TOM1L2: variants seen among roughly 807,000 people sequenced by gnomAD.
The protein encoded by TOM1L2 is TOM1-like protein 2.
TOM1L2 carries 31 observed loss-of-function variants against 67.9 expected under a neutral mutation model. That is an observed-to-expected ratio of 0.46 (90% CI 0.34 to 0.62). TOM1L2 has a LOEUF of 0.62. Ranked by LOEUF, TOM1L2 falls within the 20% of genes least tolerant of loss-of-function variation. The pLI, the probability that TOM1L2 is intolerant of heterozygous loss-of-function variation, is 0.01. For missense variants in TOM1L2, 606 were observed against 663.5 expected (o/e 0.91, Z 0.95); for synonymous variants, 256 against 254.0 (o/e 1.01, Z -0.07).
chr17:17,913,685 T>C (rs551420806), intron 1 of TOM1L2, among the ~76,000 whole-genome samples: 1 of 152,306 alleles, frequency 6.6e-6, no homozygotes, highest in East Asian at 1.9e-4. Flanking sequence ...TCTTTTAGCT[T>C]GAAAACTCAA....
intron 1 of TOM1L2, among the ~76,000 whole-genome samples, chr17:17,916,462 T>C (rs913662722): frequency 2.6e-5 from 4 of 152,196 alleles, no homozygotes; most frequent in African/African-American, 9.7e-5. Flanking sequence ...TATAAGATAA[T>C]GGTCCGACTT....
intron 3 of TOM1L2, among the ~76,000 whole-genome samples, chr17:17,895,672 G>A (rs2038533174): frequency 6.6e-6 from 1 of 152,200 alleles, no homozygotes; most frequent in African/African-American, 2.4e-5. Context: ...TGGAGCCCCA[G>A]TCTCCTCGCC....
intron 1 of TOM1L2, among the ~76,000 whole-genome samples, chr17:17,947,004 C>T (rs572653603): frequency 6.6e-5 from 10 of 152,208 alleles, no homozygotes; most frequent in Admixed American, 1.3e-4. Context: ...GGATTACAGG[C>T]GTACGCCACC....
At chr17:17,957,773 G>C (rs1039760613) in intron 1 of TOM1L2, among the ~76,000 whole-genome samples, 2 of 151,864 alleles carry the variant, frequency 1.3e-5, no homozygotes, top group Non-Finnish European at 1.5e-5. Flanking sequence ...ATGATTCATA[G>C]GTATGTACAG....
intron 1 of TOM1L2, among the ~76,000 whole-genome samples, chr17:17,936,101 C>T (rs2040504778): frequency 1.3e-5 from 2 of 152,244 alleles, no homozygotes; most frequent in South Asian, 4.1e-4. Context: ...GCCTCGCTTG[C>T]TCCTGCCCTG....
chr17:17,851,145 G>A, intron 12 of TOM1L2, 193 bp from the exon 13 acceptor site: 1 of 599,832 alleles, frequency 1.7e-6, no homozygotes, highest in Non-Finnish European at 3.0e-6. Context: ...GGTGAGGAAA[G>A]CAATGAGGTG....
chr17:17,887,046 G>A (rs2038036434), intron 4 of TOM1L2, among the ~76,000 whole-genome samples: 1 of 152,254 alleles, frequency 6.6e-6, no homozygotes, highest in Non-Finnish European at 1.5e-5. Context: ...CAGGCGTACA[G>A]GAGAGGATTT....
At chr17:17,869,893 G>T (rs895452121) in intron 7 of TOM1L2, 1 of 179,656 alleles carries the variant, frequency 5.6e-6, no homozygotes, top group African/African-American at 2.4e-5. Flanking sequence ...TTTAGATTGT[G>T]GTCTCTCTTT....
Position 17,847,554 on chromosome 17 carries a change from G to A in TOM1L2, c.*81C>T, listed in dbSNP as rs978203714. 2.8e-4 allele frequency: 425 copies of A among 1,512,438 alleles called. No homozygotes were observed. The highest frequency in any genetic ancestry group is 3.6e-4 in the Non-Finnish European group (411 of 1,130,914). 93.7% of individuals were successfully genotyped at this position (1,512,438 alleles called of 1,614,324 possible). On this transcript the variant is annotated 3_prime_UTR_variant, in exon 15 of 15. Transcript: ENST00000379504. ...AGGTGTGCAGGCCGTGTGGAGCTGG[G>A]GATGTAGGAGTGGCCAGTGCCCGGT...
intron 1 of TOM1L2, among the ~76,000 whole-genome samples, chr17:17,910,980 T>C (rs1048292140): frequency 3.9e-5 from 6 of 152,236 alleles, no homozygotes; most frequent in Admixed American, 6.5e-5. Context: ...TTTTGCCTTC[T>C]GGTGTTGGCT....
chr17:17,916,073 GA>G (rs1237124904), intron 1 of TOM1L2, among the ~76,000 whole-genome samples: 1 of 149,032 alleles, frequency 6.7e-6, no homozygotes, highest in Non-Finnish European at 1.5e-5. Context: ...CCCTTTTTAA[GA>G]TTTTTTTTTT....
chr17:17,891,045 AC>A (rs1209404464), intron 4 of TOM1L2, among the ~76,000 whole-genome samples: 3 of 152,104 alleles, frequency 2.0e-5, no homozygotes, highest in Non-Finnish European at 4.4e-5. Context: ...TGGGTTATCA[AC>A]CCCCATCTAG....
rs931664589 is a variant in TOM1L2 at position 17,944,499 on chromosome 17, T to C, written c.52+27763A>G. Among the ~76,000 whole-genome samples the C allele has an allele frequency of 4.6e-5, 7 of 152,276 alleles. No individual in the cohort carries two copies. The East Asian group carries it at 1.4e-3, about 29-fold the overall frequency. ...AAACCTAAAGAATATTTATGATCCG[T>C]GGGATCAGAGATTTGGTGTCTTAGA... On this transcript the variant is annotated intron_variant, in intron 1 of 14. Coordinates refer to ENST00000379504, the MANE Select transcript of TOM1L2 (RefSeq NM_001082968.2).
intron 1 of TOM1L2, among the ~76,000 whole-genome samples, chr17:17,921,257 C>T (rs1320126388): frequency 2.6e-5 from 4 of 152,138 alleles, no homozygotes; most frequent in African/African-American, 7.2e-5. Context: ...CTCCCACTCC[C>T]CAAACAAAGG....
intron 1 of TOM1L2, among the ~76,000 whole-genome samples, chr17:17,961,501 G>C (rs1001278865): frequency 6.6e-6 from 1 of 152,004 alleles, no homozygotes; most frequent in African/African-American, 2.4e-5. Flanking sequence ...CTCGAGTTCA[G>C]AAGTTCGAGG....
intron 1 of TOM1L2, among the ~76,000 whole-genome samples, chr17:17,950,037 A>AT (rs932174169): frequency 6.7e-5 from 10 of 150,114 alleles, no homozygotes; most frequent in African/African-American, 9.8e-5. Context: ...TGCCTGGCTA[A>AT]TTTTTTTTTG....
At chr17:17,861,636 A>T in intron 11 of TOM1L2, 85 bp from the exon 12 acceptor site, 1 of 1,182,180 alleles carries the variant, frequency 8.5e-7, no homozygotes, top group Non-Finnish European at 1.3e-6. Context: ...AATCACTTCT[A>T]TCCTATGGTC....
At chr17:17,902,763 C>T (rs922730173) in intron 2 of TOM1L2, among the ~76,000 whole-genome samples, 2 of 152,200 alleles carry the variant, frequency 1.3e-5, no homozygotes, top group Admixed American at 6.5e-5. Context: ...CAATGGAAAT[C>T]TTTAAAGTGA....
chr17:17,903,989 A>AAATTAT (rs1256689161), intron 2 of TOM1L2, among the ~76,000 whole-genome samples: 8 of 144,776 alleles, frequency 5.5e-5, no homozygotes, highest in African/African-American at 2.3e-4. Context: ...ACTCAGGAAG[A>AAATTAT]GATTATTATT....
Sources: allele counts gnomAD v4.1 joint callset (sites outside exome capture counted in the v4.1 genomes callset), GRCh38; gene constraint gnomAD v4.1.1; transcripts MANE v1.5; gene names NCBI Gene and HGNC (gene_info 2026-07-23, HGNC 2026-07-21).